Variants in BCAP29 observed in about 807,000 individuals in gnomAD.
BCAP29 encodes the protein B cell receptor associated protein 29.
In BCAP29, 34 loss-of-function variants were observed where a neutral mutation model predicts 31.8. The observed-to-expected ratio is 1.07, with a 90% CI of 0.81 to 1.42. The LOEUF is 1.42. Among genes scored for constraint, BCAP29 ranks in the 40% most tolerant of loss-of-function variants. The pLI, the probability that BCAP29 is intolerant of heterozygous loss-of-function variation, is 0.00. For missense variants in BCAP29, 314 were observed against 269.2 expected (o/e 1.17, Z -1.16); for synonymous variants, 104 against 91.3 (o/e 1.14, Z -0.79).
chr7:107,598,511 G>C (rs1266722450), intron 5 of BCAP29, among the ~76,000 whole-genome samples: 2 of 152,014 alleles, frequency 1.3e-5, no homozygotes, highest in Non-Finnish European at 2.9e-5. Flanking sequence ...TTGTGCTACA[G>C]TTTTTATGCT....
In BCAP29 at chr7:107,595,906, A is replaced by C. The variant is rs559566517; in HGVS notation, c.384A>C (p.Ala128=). The C allele has an allele frequency of 6.1e-5, 97 of 1,603,208 alleles. No homozygotes were observed. The South Asian group carries it at 1.0e-3, about 17-fold the overall frequency. ...RRLVTLITQL[A]KELSNKGVLK... ...TGGTTACGCTTATTACTCAACTGGC[A>C]AAAGAACTGTCAAACAAAGGTGTAC... Residue 128 remains alanine, a synonymous_variant, in exon 5 of 8, where the codon GCA becomes GCC. Coordinates refer to ENST00000005259, the MANE Select transcript of BCAP29 (RefSeq NM_018844.4).
intron 6 of BCAP29, 53 bp downstream of exon 6, chr7:107,600,558 T>C: frequency 9.4e-7 from 1 of 1,059,622 alleles, no homozygotes; most frequent in Non-Finnish European, 1.4e-6. Flanking sequence ...TATTTTATGC[T>C]GTACACTTCA....
At chr7:107,588,638 A>G (rs183302030) in intron 3 of BCAP29, among the ~76,000 whole-genome samples, 43 of 152,328 alleles carry the variant, frequency 2.8e-4, no homozygotes, top group Admixed American at 8.5e-4. Context: ...TCACATTTAT[A>G]TAGCCTTTCT....
At chr7:107,593,326 G>C (rs1809219322) in intron 3 of BCAP29, among the ~76,000 whole-genome samples, 1 of 152,152 alleles carries the variant, frequency 6.6e-6, no homozygotes, top group Non-Finnish European at 1.5e-5. Flanking sequence ...TTTTCCACTG[G>C]AAAGAAGTGG....
At chr7:107,609,574 T>A (rs1331379699) in intron 6 of BCAP29, among the ~76,000 whole-genome samples, 3 of 152,140 alleles carry the variant, frequency 2.0e-5, no homozygotes, top group African/African-American at 7.2e-5. Flanking sequence ...ATTGAAGTGA[T>A]GAATAAAACG....
At chr7:107,594,158 C>T in intron 4 of BCAP29, 53 bp downstream of exon 4, 3 of 1,483,326 alleles carry the variant, frequency 2.0e-6, no homozygotes, top group Non-Finnish European at 2.8e-6. Context: ...CTTATGCTTT[C>T]CTTTCTCATT....
Position 107,590,768 on chromosome 7 carries a change from G to A in BCAP29, c.194-3187G>A, listed in dbSNP as rs536277374. On this transcript the variant is annotated intron_variant, in intron 3 of 7. Coordinates refer to ENST00000005259, the MANE Select transcript of BCAP29 (RefSeq NM_018844.4). ...CAAGAGGTCAAGGCTGCAGTGAGAC[G>A]TGATCACATCACTGCACTCCAGCCT... 4.6e-5 allele frequency among the ~76,000 whole-genome samples: 7 copies of A among 150,836 alleles called. No homozygotes were observed. The East Asian group carries it at 5.9e-4, about 13-fold the overall frequency.
chr7:107,591,656 A>ACACACACACACATACACACACACACC, intron 3 of BCAP29, among the ~76,000 whole-genome samples: 1 of 136,076 alleles, frequency 7.3e-6, no homozygotes, highest in Non-Finnish European at 1.6e-5. Flanking sequence ...ACACACACAC[A>ACACACACACACATACACACACACACC]CCCTATTGGT....
chr7:107,621,548 T>A (rs1211729986), downstream of BCAP29: 6 of 371,084 alleles, frequency 1.6e-5, no homozygotes, highest in African/African-American at 1.3e-4. Context: ...AAAGATATGA[T>A]TAAGTTAAAG....
chr7:107,594,240 G>A, intron 4 of BCAP29, 135 bp downstream of exon 4: 1 of 737,468 alleles, frequency 1.4e-6, no homozygotes, highest in Non-Finnish European at 2.2e-6. Flanking sequence ...CCAGGCTGCA[G>A]TGCAGTGGTG....
At chr7:107,613,035 A>C (rs920042411) in intron 6 of BCAP29, among the ~76,000 whole-genome samples, 1 of 152,204 alleles carries the variant, frequency 6.6e-6, no homozygotes, top group Non-Finnish European at 1.5e-5. Flanking sequence ...ATTCATATTA[A>C]GTTTCCTAAA....
downstream of BCAP29, chr7:107,621,031 T>G (rs1349513412): frequency 1.3e-5 from 2 of 152,450 alleles, no homozygotes; most frequent in African/African-American, 4.8e-5. Flanking sequence ...GCTACTTGGA[T>G]GTACCCGAAC....
chr7:107,592,731 A>G (rs1273763215), intron 3 of BCAP29, among the ~76,000 whole-genome samples: 4 of 152,376 alleles, frequency 2.6e-5, no homozygotes, highest in Non-Finnish European at 5.9e-5. Flanking sequence ...CATTCATACA[A>G]TGGAATATTA....
intron 5 of BCAP29, among the ~76,000 whole-genome samples, chr7:107,599,014 T>TAG (rs1225479362): frequency 1.4e-5 from 2 of 138,058 alleles, no homozygotes; most frequent in East Asian, 2.0e-4. Flanking sequence ...TACAAATTTA[T>TAG]ATATATAAAT....
At chr7:107,622,169 C>T (rs1815032506), downstream of BCAP29, 1 of 307,294 alleles carries the variant, frequency 3.3e-6, no homozygotes, top group Non-Finnish European at 6.4e-6. Context: ...CTCCCTGTAT[C>T]TTCTCTAATG....
At chr7:107,600,716 T>C (rs970909669) in intron 6 of BCAP29, among the ~76,000 whole-genome samples, 2 of 152,230 alleles carry the variant, frequency 1.3e-5, no homozygotes, top group Non-Finnish European at 2.9e-5. Flanking sequence ...CATGTAGGTG[T>C]TTCAGATCTG....
At chr7:107,606,448 T>G (rs182392918) in intron 6 of BCAP29, among the ~76,000 whole-genome samples, 1 of 152,252 alleles carries the variant, frequency 6.6e-6, no homozygotes, top group African/African-American at 2.4e-5. Context: ...CCAAACTTAA[T>G]AAGCTCAGCA....
intron 5 of BCAP29, among the ~76,000 whole-genome samples, chr7:107,599,237 TTA>T (rs1235155577): frequency 7.7e-6 from 1 of 129,748 alleles, no homozygotes; most frequent in African/African-American, 3.0e-5. Context: ...TTATATATAT[TTA>T]TATATAAATA....
At chr7:107,581,912 A>G (rs762956836) in intron 2 of BCAP29, among the ~76,000 whole-genome samples, 1 of 152,152 alleles carries the variant, frequency 6.6e-6, no homozygotes, top group Non-Finnish European at 1.5e-5. Context: ...CCCATGTTCT[A>G]TATATCACGT....
Sources: allele counts gnomAD v4.1 joint callset (sites outside exome capture counted in the v4.1 genomes callset), GRCh38; gene constraint gnomAD v4.1.1; transcripts MANE v1.5; gene names NCBI Gene and HGNC (gene_info 2026-07-23, HGNC 2026-07-21).